ANO1: variants seen among roughly 807,000 people sequenced by gnomAD.
ANO1 encodes anoctamin-1.
A neutral mutation model predicts 124.0 loss-of-function variants in ANO1; 59 were observed. That is an observed-to-expected ratio of 0.48 (90% CI 0.39 to 0.59). The LOEUF (loss-of-function observed/expected upper bound fraction) is 0.59. Among genes scored for constraint, ANO1 ranks in the 20% least tolerant of loss-of-function variants. The pLI is 0.00. For missense variants in ANO1, 1,059 were observed against 1,328.0 expected, an observed-to-expected ratio of 0.80 and a Z score of 3.15; for synonymous variants, 529 against 532.0, an observed-to-expected ratio of 0.99 and a Z score of 0.08.
In ANO1 at chr11:70,087,889, G is replaced by A. The variant is rs759667059; in HGVS notation, c.246G>A (p.Arg82=). 14 of 1,611,964 alleles carry A rather than the reference G, an allele frequency of 8.7e-6. No homozygotes were observed. The highest frequency in any genetic ancestry group is 6.7e-5 in the East Asian group (3 of 44,810). ...RPSGNRTLVR[R]VQHSDTPSGA... ...CGGGCAACCGGACCCTGGTCAGGAG[G>A]GTGCAGCACAGCGACACCCCCTCTG... The change falls in exon 2 of 26, where the codon AGG becomes AGA. Residue 82 remains arginine (R), a synonymous_variant. Transcript: ENST00000355303.
intron 1 of ANO1, among the ~76,000 whole-genome samples, chr11:70,002,356 C>T (rs1856397247): frequency 6.8e-6 from 1 of 147,636 alleles, no homozygotes; most frequent in Non-Finnish European, 1.5e-5. Context: ...CCCAGCTACT[C>T]AGGAGGCTGA....
chr11:69,988,512 A>G (rs1385354757), intron 1 of ANO1, among the ~76,000 whole-genome samples: 1 of 152,148 alleles, frequency 6.6e-6, no homozygotes. Flanking sequence ...CATCAATGTC[A>G]TCACTGCAAG....
chr11:70,050,432 C>CTT (rs1253729287), intron 1 of ANO1, among the ~76,000 whole-genome samples: 1 of 152,174 alleles, frequency 6.6e-6, no homozygotes, highest in Non-Finnish European at 1.5e-5. Flanking sequence ...CCGGAGCCCC[C>CTT]TTCCTCGTTC....
intron 1 of ANO1, among the ~76,000 whole-genome samples, chr11:69,996,321 A>G (rs1320371905): frequency 6.6e-6 from 1 of 152,168 alleles, no homozygotes; most frequent in African/African-American, 2.4e-5. Context: ...CAATTAAACA[A>G]TAGGTGAGTA....
chr11:70,082,214 G>GCATT (rs10701305), intron 1 of ANO1, among the ~76,000 whole-genome samples: 24,779 of 151,994 alleles, frequency 0.16, 2,187 homozygotes, highest in Admixed American at 0.24. Flanking sequence ...ACACATGCCT[G>GCATT]CATTCATTCA....
rs553969695 is a variant in ANO1, at chr11:70,132,043, G to A, written c.1222G>A (p.Ala408Thr). The A allele has an allele frequency of 2.4e-5, 38 of 1,602,288 alleles. No homozygotes were observed. The highest frequency in any genetic ancestry group is 6.7e-5 in the Admixed American group (4 of 59,370). Residue 408 changes from alanine (A) to threonine (T), a missense_variant, in exon 11 of 26, where the codon GCC becomes ACC. Coordinates refer to ENST00000355303, the MANE Select transcript of ANO1 (RefSeq NM_018043.7). ...ARASHLFDNP[A>T]TVFFSVFMAL... Reference sequence around the variant, plus strand: ...CGCCAGCCACCTCTTCGACAACCCCGCCACGGTCTTCTTCTCTGTCTTCAT... The same window carrying A: ...CGCCAGCCACCTCTTCGACAACCCCACCACGGTCTTCTTCTCTGTCTTCAT...
chr11:69,984,485 C>G (rs782315655), upstream of ANO1, among the ~76,000 whole-genome samples: 2 of 137,588 alleles, frequency 1.5e-5, no homozygotes, highest in Non-Finnish European at 3.1e-5. Flanking sequence ...TCTTGCCTCT[C>G]GTCTCCTTTT....
intron 9 of ANO1, among the ~76,000 whole-genome samples, chr11:70,125,799 G>C (rs1565226175): frequency 6.7e-6 from 1 of 149,912 alleles, no homozygotes; most frequent in South Asian, 2.1e-4. Flanking sequence ...AGCCGAGATA[G>C]CGCCACTGCA....
At chr11:70,174,732 C>T (rs982574183) in intron 22 of ANO1, among the ~76,000 whole-genome samples, 10 of 152,108 alleles carry the variant, frequency 6.6e-5, no homozygotes, top group African/African-American at 2.4e-4. Flanking sequence ...AGCCCTGGGC[C>T]TCCTGCATGC....
chr11:69,992,787 C>T (rs1470399773), intron 1 of ANO1, among the ~76,000 whole-genome samples: 8 of 152,176 alleles, frequency 5.3e-5, no homozygotes, highest in African/African-American at 1.9e-4. Flanking sequence ...GCATTGTTCC[C>T]CTCGTCAACG....
chr11:70,088,639 T>C (rs1248708802), intron 2 of ANO1, among the ~76,000 whole-genome samples: 3 of 152,180 alleles, frequency 2.0e-5, no homozygotes, highest in African/African-American at 7.2e-5. Flanking sequence ...CCATGTCTGC[T>C]CTGGGAGAGG....
At chr11:70,150,791 AT>A (rs1323277961) in intron 12 of ANO1, among the ~76,000 whole-genome samples, 1 of 152,036 alleles carries the variant, frequency 6.6e-6, no homozygotes, top group African/African-American at 2.4e-5. Flanking sequence ...TTTTTCATGC[AT>A]TTTTATTGTA....
chr11:70,073,349 A>G (rs2044007151), upstream of ANO1, among the ~76,000 whole-genome samples: 1 of 152,186 alleles, frequency 6.6e-6, no homozygotes, highest in African/African-American at 2.4e-5. Flanking sequence ...ACACCTCATG[A>G]GAAAGGACCC....
chr11:70,000,310 T>C (rs1554999029), intron 1 of ANO1, among the ~76,000 whole-genome samples: 2 of 68,100 alleles, frequency 2.9e-5, no homozygotes, highest in African/African-American at 4.7e-5. Flanking sequence ...TAGTGAAAGA[T>C]AGAGATGGGC....
At chr11:70,162,027 G>A (rs923502119) in intron 18 of ANO1, among the ~76,000 whole-genome samples, 7 of 150,970 alleles carry the variant, frequency 4.6e-5, no homozygotes, top group East Asian at 3.9e-4. Flanking sequence ...ACCCTGGGCC[G>A]TGGGGACCCC....
intron 10 of ANO1, among the ~76,000 whole-genome samples, chr11:70,130,143 C>T (rs919466853): frequency 2.0e-5 from 3 of 152,186 alleles, no homozygotes; most frequent in Non-Finnish European, 2.9e-5. Context: ...CATCACCCTC[C>T]GACCCAACCA....
upstream of ANO1, among the ~76,000 whole-genome samples, chr11:69,982,907 G>A (rs1855971407): frequency 6.6e-6 from 1 of 152,180 alleles, no homozygotes; most frequent in Non-Finnish European, 1.5e-5. Flanking sequence ...ATGACCTGTG[G>A]CCTTGTATGT....
intron 1 of ANO1, among the ~76,000 whole-genome samples, chr11:69,997,328 G>A (rs905034373): frequency 8.4e-4 from 125 of 148,888 alleles, no homozygotes; most frequent in African/African-American, 1.6e-3. Flanking sequence ...TTATATAGGC[G>A]GGTAAAATAT....
intron 1 of ANO1, among the ~76,000 whole-genome samples, chr11:70,065,893 G>A (rs183241963): frequency 1.9e-4 from 29 of 152,172 alleles, no homozygotes; most frequent in Non-Finnish European, 2.8e-4. Context: ...CACCCACGTC[G>A]TGTCTCCCCA....
Sources: allele counts gnomAD v4.1 joint callset (sites outside exome capture counted in the v4.1 genomes callset), GRCh38; gene constraint gnomAD v4.1.1; transcripts MANE v1.5; gene names NCBI Gene and HGNC (gene_info 2026-07-23, HGNC 2026-07-21).